Variants in ASAH2 observed in about 807,000 individuals in gnomAD.
The protein encoded by ASAH2 is neutral ceramidase.
ASAH2 carries 58 observed loss-of-function variants against 82.9 expected under a neutral mutation model. The ratio of observed to expected loss-of-function variants is 0.70; its 90% CI spans 0.57 to 0.87. ASAH2 has a LOEUF of 0.87. ASAH2 is among the 40% of genes least tolerant of loss of function. The probability of loss-of-function intolerance (pLI) is 0.00; values close to 1 mark genes in which losing one functional copy is unlikely to be tolerated. For synonymous variants in ASAH2, 276 were observed against 289.7 expected (o/e 0.95, Z 0.48); for missense variants, 779 against 834.0 (o/e 0.93, Z 0.81).
Position 50,213,021 on chromosome 10 carries a change from A to G in ASAH2, c.1178T>C (p.Met393Thr). The G allele has an allele frequency of 1.9e-6, 3 of 1,613,806 alleles. No individual in the cohort carries two copies. The highest frequency in any genetic ancestry group is 2.5e-6 in the Non-Finnish European group (3 of 1,179,730). Reference protein sequence around the residue: ...MCIAKGPGQDMFDSTQIIGRA... With the variant: ...MCIAKGPGQDTFDSTQIIGRA... ...TCCTATAATTTGTGTGCTGTCAAAC[A>G]TATCCTGTCCAGGTCCCTTAGCAAT... is the stretch of plus-strand genomic sequence containing the variant. Residue 393 changes from methionine to threonine, a missense_variant, in exon 10 of 21, where the codon ATG becomes ACG. This residue lies in a region of ASAH2 where 759 missense variants were observed against 755.2 expected (regional missense o/e 1.00). Coordinates refer to ENST00000682911, the MANE Select transcript of ASAH2 (RefSeq NM_019893.4).
intron 12 of ASAH2, among the ~76,000 whole-genome samples, chr10:50,208,578 C>T (rs2133204881): frequency 1.7e-5 from 1 of 59,962 alleles, no homozygotes; most frequent in South Asian, 1.0e-3. Flanking sequence ...GAGTGAAATA[C>T]TAAGAAATAA....
chr10:50,209,411 G>A (rs973833373), intron 12 of ASAH2, among the ~76,000 whole-genome samples: 1 of 152,116 alleles, frequency 6.6e-6, no homozygotes, highest in Non-Finnish European at 1.5e-5. Flanking sequence ...GTGCAGTGGT[G>A]CAATCTTGTC....
At chr10:50,241,530 C>T (rs2133230721) in intron 4 of ASAH2, among the ~76,000 whole-genome samples, 1 of 152,224 alleles carries the variant, frequency 6.6e-6, no homozygotes, top group Non-Finnish European at 1.5e-5. Flanking sequence ...ATTTTTCCTT[C>T]TAAGAGTATA....
intron 16 of ASAH2, among the ~76,000 whole-genome samples, chr10:50,201,360 T>G (rs1231400771): frequency 6.6e-6 from 1 of 152,074 alleles, no homozygotes; most frequent in Non-Finnish European, 1.5e-5. Context: ...GCACTGTATG[T>G]AATACATGCC....
rs1846060302 is a variant in ASAH2, at chr10:50,233,171, G to A, written c.893+13C>T. The stretch of plus-strand genomic sequence containing the variant: ...TACCCGACAGAATTATTTTTAAAAA[G>A]GAAATACAGTACCTGATAAGGCCCA... On this transcript the variant is annotated intron_variant, in intron 7 of 20. Transcript: ENST00000682911. 5 of 1,582,392 alleles carry A rather than the reference G, an allele frequency of 3.2e-6. No homozygotes were observed. The East Asian group carries it at 1.1e-4, about 35-fold the overall frequency.
rs1846147301 is a variant in ASAH2, at chr10:50,235,914, G to A, written c.661C>T (p.Gln221Ter). 3.2e-5 allele frequency: 51 copies of A among 1,613,304 alleles called. 1 individual carries two copies. In the South Asian group the frequency reaches 5.4e-4, roughly 17 times the overall value. The change falls in exon 5 of 21, where the codon CAG (glutamine) becomes TAG (stop). Residue 221 changes from glutamine to a stop codon, truncating the protein, a stop_gained. Coordinates refer to ENST00000682911, the MANE Select transcript of ASAH2 (RefSeq NM_019893.4). LOFTEE classifies it high-confidence loss of function. ...ASEGFSNQTF[Q>*]HMVTGILKSI... is the part of the protein sequence containing the mutation. ...TTCAAGATACCAGTGACCATGTGCTGAAAAGTTTGATTGCTAAATCCTTCA... is the reference window on the plus strand; with the variant it reads ...TTCAAGATACCAGTGACCATGTGCTAAAAAGTTTGATTGCTAAATCCTTCA...
At chr10:50,219,531 G>A (rs1396708796) in intron 7 of ASAH2, among the ~76,000 whole-genome samples, 2 of 152,086 alleles carry the variant, frequency 1.3e-5, no homozygotes, top group East Asian at 1.9e-4. Context: ...TAACTGGAAC[G>A]CTCAAGAAAA....
chr10:50,224,190 T>G (rs2133217332), intron 7 of ASAH2, among the ~76,000 whole-genome samples: 1 of 152,268 alleles, frequency 6.6e-6, no homozygotes, highest in South Asian at 2.1e-4. Context: ...TAGTAGTACC[T>G]GCATTTGACA....
chr10:50,236,018 T>C lies in ASAH2; in HGVS notation c.557A>G (p.Asp186Gly). 1.9e-6 allele frequency: 3 copies of C among 1,613,302 alleles called. No individual in the cohort carries two copies. Among genetic ancestry groups the C allele is most frequent in the Non-Finnish European group, 2.5e-6 (3 of 1,179,434 alleles). ...GTGAGTGCCACTCAGGATGACATTATCTCTTCTGTACAGGGAGCCATATTT... is the reference window on the plus strand; with the variant it reads ...GTGAGTGCCACTCAGGATGACATTACCTCTTCTGTACAGGGAGCCATATTT... ...QSKYGSLYRRDNVILSGTHTH... is the reference protein window; with the variant it reads ...QSKYGSLYRRGNVILSGTHTH... The change falls in exon 5 of 21, where the codon GAT becomes GGT. Residue 186 changes from aspartate to glycine, a missense_variant. By Grantham distance (94) the Asp-to-Gly change is moderately conservative (BLOSUM62 -1). Coordinates refer to ENST00000682911, the MANE Select transcript of ASAH2 (RefSeq NM_019893.4).
At chr10:50,248,692 A>G in intron 1 of ASAH2, 46 bp from the exon 2 acceptor site, 1 of 1,418,554 alleles carries the variant, frequency 7.0e-7, no homozygotes, top group Non-Finnish European at 9.6e-7. Flanking sequence ...GCTTTAAGCC[A>G]ACCGAGGTTA....
rs971759219 is a variant in ASAH2, at chr10:50,217,896, G to A, written c.1014+614C>T. Among the ~76,000 whole-genome samples, 56 of 152,234 alleles carry A rather than the reference G, an allele frequency of 3.7e-4. 1 individual carries two copies. The South Asian group carries it at 9.3e-3, about 25-fold the overall frequency. ...TCATAACATTTTGGGAGGCCGAGGT[G>A]GGCAGATGACTTGAGGTTAGGAGTT... On this transcript the variant is annotated intron_variant, in intron 8 of 20. Transcript: ENST00000682911.
chr10:50,233,269 G>A lies in ASAH2; in HGVS notation c.816-8C>T, dbSNP rs960862736. On this transcript the variant is annotated splice_region_variant and splice_polypyrimidine_tract_variant and intron_variant, in intron 6 of 20. Transcript: ENST00000682911. Reference sequence around the variant, plus strand: ...TCTGTATTTGAAGAATACCTAGTCAGTAAAACAGAAAAGCACAGTCAGTTC... The same window carrying A: ...TCTGTATTTGAAGAATACCTAGTCAATAAAACAGAAAAGCACAGTCAGTTC... 74 of 1,593,362 alleles carry A rather than the reference G, an allele frequency of 4.6e-5. No individual in the cohort carries two copies. The highest frequency in any genetic ancestry group is 5.7e-5 in the Non-Finnish European group (66 of 1,161,426).
chr10:50,235,748 C>T (rs1320646529), intron 5 of ASAH2, 140 bp downstream of exon 5: 2 of 891,730 alleles, frequency 2.2e-6, no homozygotes, highest in African/African-American at 3.3e-5. Flanking sequence ...AAGATAGAGT[C>T]AGGGAGGAGA....
chr10:50,211,181 A>G, intron 10 of ASAH2, 47 bp from the exon 11 acceptor site: 1 of 1,337,262 alleles, frequency 7.5e-7, no homozygotes, highest in Non-Finnish European at 1.1e-6. Flanking sequence ...GGCTAAAGTG[A>G]TCATCTCCAA....
chr10:50,246,408 G>A (rs1300649942), intron 2 of ASAH2, among the ~76,000 whole-genome samples: 1 of 152,144 alleles, frequency 6.6e-6, no homozygotes, highest in African/African-American at 2.4e-5. Flanking sequence ...ATTTAGACAT[G>A]TTATATATTC....
intron 17 of ASAH2, 50 bp downstream of exon 17, chr10:50,199,001 C>G: frequency 6.4e-7 from 1 of 1,571,578 alleles, no homozygotes; most frequent in Non-Finnish European, 8.7e-7. Context: ...TACACACACA[C>G]ACACACACAC....
Position 50,229,088 on chromosome 10 carries a change from T to C in ASAH2, c.893+4096A>G, listed in dbSNP as rs1320670574. ...CTCAGATTATCTGCACTTGTGACTT[T>C]CTTTTTGATGTAGACATTTGAAACC... On this transcript the variant is annotated intron_variant, in intron 7 of 20. Coordinates refer to ENST00000682911, the MANE Select transcript of ASAH2 (RefSeq NM_019893.4). Among the ~76,000 whole-genome samples the C allele has an allele frequency of 7.9e-5, 12 of 152,284 alleles. No homozygotes were observed. In the South Asian group the frequency reaches 8.3e-4, roughly 11 times the overall value.
intron 4 of ASAH2, 94 bp from the exon 5 acceptor site, chr10:50,236,158 C>A: frequency 2.8e-6 from 3 of 1,062,572 alleles, no homozygotes; most frequent in East Asian, 2.4e-5. Context: ...TGATCCATAC[C>A]AATAACATCT....
chr10:50,233,740 A>C (rs1179224168), intron 6 of ASAH2, among the ~76,000 whole-genome samples: 1 of 152,064 alleles, frequency 6.6e-6, no homozygotes, highest in Non-Finnish European at 1.5e-5. Context: ...ATATGCAGAA[A>C]AATGTTAAAT....
Sources: allele counts gnomAD v4.1 joint callset (sites outside exome capture counted in the v4.1 genomes callset), GRCh38; gene constraint gnomAD v4.1.1; regional missense constraint gnomAD v4.1.1; transcripts MANE v1.5; gene names NCBI Gene and HGNC (gene_info 2026-07-23, HGNC 2026-07-21).